Variants in EPHA5 observed in about 807,000 individuals in gnomAD.
The protein encoded by EPHA5 is ephrin type-A receptor 5.
In EPHA5, 60 loss-of-function variants were observed where a neutral mutation model predicts 105.0. The ratio of observed to expected loss-of-function variants is 0.57; its 90% CI spans 0.46 to 0.71. The LOEUF is 0.71. Ranked by LOEUF, EPHA5 falls within the 30% of genes least tolerant of loss-of-function variation. The pLI, the probability that EPHA5 is intolerant of heterozygous loss-of-function variation, is 0.00. For synonymous variants in EPHA5, 513 were observed against 449.1 expected (o/e 1.14, Z -1.80); for missense variants, 1,218 against 1,274.7 (o/e 0.96, Z 0.68).
intron 5 of EPHA5, among the ~76,000 whole-genome samples, chr4:65,475,359 T>C (rs369149185): frequency 6.6e-6 from 1 of 152,210 alleles, no homozygotes; most frequent in African/African-American, 2.4e-5. Context: ...AACAAGTTAT[T>C]TCAACATGCT....
At chr4:65,626,050 G>C (rs1285612211) in intron 2 of EPHA5, among the ~76,000 whole-genome samples, 1 of 148,368 alleles carries the variant, frequency 6.7e-6, no homozygotes, top group African/African-American at 2.5e-5. Flanking sequence ...GCAGTGAGCC[G>C]AGATCGCGCC....
intron 9 of EPHA5, among the ~76,000 whole-genome samples, chr4:65,366,610 G>A (rs1717934577): frequency 1.3e-5 from 2 of 151,722 alleles, no homozygotes; most frequent in South Asian, 4.2e-4. Context: ...ACATTTAACG[G>A]CTACTAACAC....
intron 6 of EPHA5, among the ~76,000 whole-genome samples, chr4:65,416,582 T>C (rs1723405209): frequency 1.3e-5 from 2 of 152,166 alleles, no homozygotes; most frequent in Non-Finnish European, 2.9e-5. Context: ...ATATTAGAAA[T>C]TGATACTTTT....
chr4:65,423,496 T>C (rs1450800004), intron 5 of EPHA5, among the ~76,000 whole-genome samples: 2 of 152,064 alleles, frequency 1.3e-5, no homozygotes, highest in Admixed American at 6.6e-5. Flanking sequence ...CCATTTTTCT[T>C]CATTTTTAAA....
chr4:65,629,999 G>A (rs1463867162), intron 2 of EPHA5, among the ~76,000 whole-genome samples: 1 of 151,898 alleles, frequency 6.6e-6, no homozygotes, highest in Admixed American at 6.6e-5. Flanking sequence ...AAAATAACTC[G>A]TCAGTTACTG....
At chr4:65,439,310 A>C (rs892606831) in intron 5 of EPHA5, among the ~76,000 whole-genome samples, 3 of 152,166 alleles carry the variant, frequency 2.0e-5, no homozygotes, top group Non-Finnish European at 4.4e-5. Context: ...GGTACTGCTT[A>C]GATTTACTGT....
chr4:65,471,274 G>A (rs1416895251), intron 5 of EPHA5, among the ~76,000 whole-genome samples: 1 of 152,002 alleles, frequency 6.6e-6, no homozygotes, highest in Non-Finnish European at 1.5e-5. Context: ...TCTTTCTGAT[G>A]GATACCAATG....
intron 7 of EPHA5, among the ~76,000 whole-genome samples, chr4:65,411,252 C>T (rs912253526): frequency 2.0e-5 from 3 of 151,918 alleles, no homozygotes; most frequent in Non-Finnish European, 4.4e-5. Flanking sequence ...TTTTGCGTTT[C>T]CTGTTGGTAC....
At chr4:65,342,722 G>A (rs993767916) in intron 14 of EPHA5, among the ~76,000 whole-genome samples, 1 of 149,670 alleles carries the variant, frequency 6.7e-6, no homozygotes, top group African/African-American at 2.5e-5. Flanking sequence ...AAACATAAAA[G>A]GAATATGTAT....
At position 65,512,955 on chromosome 4, in the gene EPHA5, G is replaced by A. The variant is rs75728509; in HGVS notation, c.911-17412C>T. Among the ~76,000 whole-genome samples, 140 of 152,250 alleles carry A rather than the reference G, an allele frequency of 9.2e-4. No homozygotes were observed. In the East Asian group the frequency reaches 0.023, roughly 25 times the overall value. On this transcript the variant is annotated intron_variant, in intron 3 of 16. Coordinates refer to ENST00000613740, the MANE Select transcript of EPHA5 (RefSeq NM_001281766.3). The stretch of plus-strand genomic sequence containing the variant: ...AAAAACACTTTTAAAAGCCAGATGC[G>A]TGATGGCTTTACTAGAATTGAAAGT...
chr4:65,419,615 T>C, intron 6 of EPHA5, among the ~76,000 whole-genome samples: 1 of 152,172 alleles, frequency 6.6e-6, no homozygotes, highest in East Asian at 1.9e-4. Context: ...AGAATTCAGG[T>C]TGTCCTAAGG....
At chr4:65,338,667 G>A (rs1039283725) in intron 14 of EPHA5, among the ~76,000 whole-genome samples, 1 of 151,836 alleles carries the variant, frequency 6.6e-6, no homozygotes, top group African/African-American at 2.4e-5. Context: ...AGGTAATTAG[G>A]TCATGAAATT....
chr4:65,423,328 C>T (rs1057140583), intron 5 of EPHA5, among the ~76,000 whole-genome samples: 6 of 151,788 alleles, frequency 4.0e-5, no homozygotes, highest in African/African-American at 1.4e-4. Flanking sequence ...TACTGTTCCT[C>T]CACTATAACA....
intron 3 of EPHA5, among the ~76,000 whole-genome samples, chr4:65,569,448 A>G (rs987399662): frequency 6.6e-6 from 1 of 151,642 alleles, no homozygotes; most frequent in Non-Finnish European, 1.5e-5. Flanking sequence ...AATAACACAT[A>G]TATTTTCCCT....
intron 12 of EPHA5, among the ~76,000 whole-genome samples, chr4:65,352,507 A>G (rs1282451464): frequency 6.6e-6 from 1 of 152,024 alleles, no homozygotes; most frequent in Admixed American, 6.6e-5. Context: ...TCTTTCCCTG[A>G]AACGCTGGTG....
intron 8 of EPHA5, among the ~76,000 whole-genome samples, chr4:65,371,297 G>A (rs1271132923): frequency 6.6e-6 from 1 of 151,806 alleles, no homozygotes; most frequent in African/African-American, 2.4e-5. Flanking sequence ...ATTATTCATA[G>A]GCATAACTCA....
chr4:65,408,880 C>A (rs1722634052), intron 7 of EPHA5, among the ~76,000 whole-genome samples: 2 of 152,004 alleles, frequency 1.3e-5, no homozygotes, highest in Non-Finnish European at 2.9e-5. Context: ...GCTATAAAGA[C>A]ACATGCACAC....
At chr4:65,665,790 C>A (rs893914871) in intron 1 of EPHA5, among the ~76,000 whole-genome samples, 1 of 152,180 alleles carries the variant, frequency 6.6e-6, no homozygotes, top group Non-Finnish European at 1.5e-5. Flanking sequence ...AATGTCAAGA[C>A]CTAGGTCCCC....
At chr4:65,585,853 C>T (rs567774690) in intron 3 of EPHA5, among the ~76,000 whole-genome samples, 1 of 151,504 alleles carries the variant, frequency 6.6e-6, no homozygotes, top group Non-Finnish European at 1.5e-5. Context: ...ACATATACTC[C>T]TTTTCAAGTT....
Sources: allele counts gnomAD v4.1 joint callset (sites outside exome capture counted in the v4.1 genomes callset), GRCh38; gene constraint gnomAD v4.1.1; transcripts MANE v1.5; gene names NCBI Gene and HGNC (gene_info 2026-07-23, HGNC 2026-07-21).